Variants in DNAI1 observed in about 807,000 individuals in gnomAD.
DNAI1 encodes dynein axonemal intermediate chain 1.
A neutral mutation model predicts 92.0 loss-of-function variants in DNAI1; 67 were observed. The observed-to-expected ratio is 0.73, with a 90% CI of 0.60 to 0.89. The LOEUF is 0.89. DNAI1 is among the 40% of genes least tolerant of loss of function. The pLI, the probability that DNAI1 is intolerant of heterozygous loss-of-function variation, is 0.00. For missense variants in DNAI1, 839 were observed against 866.6 expected (o/e 0.97, Z 0.40); for synonymous variants, 323 against 319.6 (o/e 1.01, Z -0.11).
Position 34,462,429 on chromosome 9 carries a change from G to T in DNAI1, c.48+3376G>T, listed in dbSNP as rs557541840. ...AAAGGATTAAGTCCCCTTTCTGGAG[G>T]CAGGATAGGGTGATATCCCCTCTAG... On this transcript the variant is annotated intron_variant, in intron 1 of 19. Transcript: ENST00000242317. Among the ~76,000 whole-genome samples the T allele has an allele frequency of 1.2e-4, 18 of 152,248 alleles. 1 individual carries two copies. The South Asian group carries it at 3.7e-3, about 32-fold the overall frequency.
intron 1 of DNAI1, 51 bp downstream of exon 1, chr9:34,459,104 A>G (rs1305118262): frequency 2.0e-6 from 3 of 1,519,314 alleles, no homozygotes; most frequent in Non-Finnish European, 2.7e-6. Flanking sequence ...CGTCGTCGCC[A>G]GTGACCACTA....
intron 1 of DNAI1, 134 bp downstream of exon 1, chr9:34,459,187 A>C: frequency 1.1e-5 from 9 of 842,940 alleles, no homozygotes; most frequent in Non-Finnish European, 1.4e-5. Flanking sequence ...GACCTCTGGT[A>C]AGTGCTCCCA....
rs916931212 is a variant in DNAI1 at position 34,506,932 on chromosome 9, T to C, written c.1311+58T>C. 6.9e-6 allele frequency: 11 copies of C among 1,588,652 alleles called. No homozygotes were observed. The African/African-American group carries it at 1.5e-4, about 21-fold the overall frequency. ...GAGCAGCATGTGGGCCTGGAGCCACTGGAGGAGGGAGGGAGCTTGGGGAGG... is the reference window on the plus strand; with the variant it reads ...GAGCAGCATGTGGGCCTGGAGCCACCGGAGGAGGGAGGGAGCTTGGGGAGG... On this transcript the variant is annotated intron_variant, in intron 13 of 19. Transcript: ENST00000242317.
Position 34,512,208 on chromosome 9 carries a change from T to G in DNAI1, c.1401+10T>G, listed in dbSNP as rs1358706373. The G allele has an allele frequency of 1.9e-6, 3 of 1,613,820 alleles. No individual in the cohort carries two copies. The highest frequency in any genetic ancestry group is 2.5e-6 in the Non-Finnish European group (3 of 1,179,834). ...TTGGACTCTCGTGAAGGTGCCTATT[T>G]CCCAGAGAGGGTCACACTGGGGTGA... On this transcript the variant is annotated intron_variant, in intron 14 of 19. Coordinates refer to ENST00000242317, the MANE Select transcript of DNAI1 (RefSeq NM_012144.4).
chr9:34,512,436 A>G lies in DNAI1; in HGVS notation c.1489+12A>G, dbSNP rs201573269. 123 of 1,613,626 alleles carry G rather than the reference A, an allele frequency of 7.6e-5. No homozygotes were observed. The highest frequency in any genetic ancestry group is 1.0e-4 in the Non-Finnish European group (119 of 1,179,724). On this transcript the variant is annotated intron_variant, in intron 15 of 19. Coordinates refer to ENST00000242317, the MANE Select transcript of DNAI1 (RefSeq NM_012144.4). ...GCTGCACCCAGTGGGTAGGAGCCCCAGCCCTCTCACCTCCAGGCCTGGCCA... is the reference window on the plus strand; with the variant it reads ...GCTGCACCCAGTGGGTAGGAGCCCCGGCCCTCTCACCTCCAGGCCTGGCCA...
Position 34,499,808 on chromosome 9 carries a change from T to A in DNAI1, c.902-914T>A, listed in dbSNP as rs139570706. ...TATGGAGGGGACACGGACAGCTGACTAGAAATAACGTGGATCTCCTCTTGG... is the reference window on the plus strand; with the variant it reads ...TATGGAGGGGACACGGACAGCTGACAAGAAATAACGTGGATCTCCTCTTGG... On this transcript the variant is annotated intron_variant, in intron 10 of 19. Transcript: ENST00000242317. Among the ~76,000 whole-genome samples, 309 of 152,238 alleles carry A rather than the reference T, an allele frequency of 2.0e-3. 1 individual carries two copies. The highest frequency in any genetic ancestry group is 7.1e-3 in the African/African-American group (295 of 41,556).
chr9:34,484,957 G>A (rs998659239), intron 2 of DNAI1, 185 bp from the exon 3 acceptor site: 19 of 602,838 alleles, frequency 3.2e-5, no homozygotes, highest in Non-Finnish European at 4.2e-5. Context: ...GATCTTCCAG[G>A]CAATGAGAAC....
intron 1 of DNAI1, among the ~76,000 whole-genome samples, chr9:34,464,262 C>T (rs908555289): frequency 6.6e-6 from 1 of 152,112 alleles, no homozygotes; most frequent in African/African-American, 2.4e-5. Context: ...ATTGTGCCAT[C>T]CCCCACTCAG....
Position 34,487,181 on chromosome 9 carries a change from A to G in DNAI1, c.261+1664A>G, listed in dbSNP as rs538645616. ...CAAAGAGGCTGAAACAAATCCAGAA[A>G]TGTTTCTTTTTTTTTTTTTGAGACT... is the stretch of plus-strand genomic sequence containing the variant. On this transcript the variant is annotated intron_variant, in intron 4 of 19. Transcript: ENST00000242317. Among the ~76,000 whole-genome samples, 10 of 151,710 alleles carry G rather than the reference A, an allele frequency of 6.6e-5. No homozygotes were observed. In the South Asian group the frequency reaches 2.1e-3, roughly 32 times the overall value.
chr9:34,470,883 A>C (rs762982136), intron 1 of DNAI1, among the ~76,000 whole-genome samples: 5 of 152,226 alleles, frequency 3.3e-5, no homozygotes, highest in African/African-American at 1.2e-4. Flanking sequence ...ACTTAATTCA[A>C]ATTCAACATC....
chr9:34,484,199 A>T (rs1196132086), intron 2 of DNAI1, among the ~76,000 whole-genome samples: 3 of 152,238 alleles, frequency 2.0e-5, no homozygotes, highest in Admixed American at 6.5e-5. Context: ...TGGGTGACAG[A>T]GAAAGACTCC....
chr9:34,497,320 C>A lies in DNAI1; in HGVS notation c.901+121C>A, dbSNP rs889504097. The A allele has an allele frequency of 4.6e-5, 35 of 757,194 alleles. No homozygotes were observed. In the South Asian group the frequency reaches 4.9e-4, roughly 11 times the overall value. 46.9% of individuals were successfully genotyped at this position (757,194 alleles called of 1,614,324 possible). A position where few individuals can be genotyped will look rare whatever the true frequency, so the allele number is the denominator to read the frequency against. ...AGGTGCAAGCGGAGAAAAAATAATCCCTCTGTCCTCTGGATGTCACTGGGG... is the reference window on the plus strand; with the variant it reads ...AGGTGCAAGCGGAGAAAAAATAATCACTCTGTCCTCTGGATGTCACTGGGG... On this transcript the variant is annotated intron_variant, in intron 10 of 19. Coordinates refer to ENST00000242317, the MANE Select transcript of DNAI1 (RefSeq NM_012144.4).
At chr9:34,486,927 C>A (rs1398451756) in intron 4 of DNAI1, among the ~76,000 whole-genome samples, 1 of 152,192 alleles carries the variant, frequency 6.6e-6, no homozygotes, top group Non-Finnish European at 1.5e-5. Flanking sequence ...GTTTTCAATT[C>A]ATGTTGTAGT....
At chr9:34,481,880 A>G (rs1649036820) in intron 1 of DNAI1, among the ~76,000 whole-genome samples, 1 of 152,230 alleles carries the variant, frequency 6.6e-6, no homozygotes, top group South Asian at 2.1e-4. Flanking sequence ...CAAAAGAACA[A>G]AGATTCCACA....
At chr9:34,460,986 G>A (rs529277964) in intron 1 of DNAI1, among the ~76,000 whole-genome samples, 10 of 152,222 alleles carry the variant, frequency 6.6e-5, no homozygotes, top group East Asian at 5.8e-4. Context: ...GACTATAGGC[G>A]CCTGCCACCA....
chr9:34,487,432 G>A (rs1299525710), intron 4 of DNAI1, among the ~76,000 whole-genome samples: 5 of 151,982 alleles, frequency 3.3e-5, no homozygotes, highest in Non-Finnish European at 4.4e-5. Context: ...TGATCTGCCC[G>A]CCTCAGCCTC....
At chr9:34,477,956 A>G (rs959530903) in intron 1 of DNAI1, among the ~76,000 whole-genome samples, 12 of 115,966 alleles carry the variant, frequency 1.0e-4, no homozygotes, top group African/African-American at 4.1e-4. Context: ...TTTTAGTCTC[A>G]GCTCACTGTG....
At chr9:34,512,992 TGTCCTGCGCTGA>T (rs987897670) in intron 15 of DNAI1, 108 bp from the exon 16 acceptor site, 3 of 844,106 alleles carry the variant, frequency 3.6e-6, no homozygotes, top group Non-Finnish European at 6.2e-6. Context: ...TAGTTCAGTC[TGTCCTGCGCTGA>T]GTCCTGCGCT....
chr9:34,459,104 A>C, intron 1 of DNAI1, 51 bp downstream of exon 1: 1 of 1,519,432 alleles, frequency 6.6e-7, no homozygotes, highest in Non-Finnish European at 9.1e-7. Flanking sequence ...CGTCGTCGCC[A>C]GTGACCACTA....
Sources: allele counts gnomAD v4.1 joint callset (sites outside exome capture counted in the v4.1 genomes callset), GRCh38; gene constraint gnomAD v4.1.1; transcripts MANE v1.5; gene names NCBI Gene and HGNC (gene_info 2026-07-23, HGNC 2026-07-21).